FLVCR2: variants seen among roughly 807,000 people sequenced by gnomAD.
FLVCR2 encodes choline/ethanolamine transporter FLVCR2.
FLVCR2 carries 38 observed loss-of-function variants against 48.9 expected under a neutral mutation model. The ratio of observed to expected loss-of-function variants is 0.78; its 90% confidence interval spans 0.60 to 1.02. The LOEUF is 1.02. Ranked by LOEUF, FLVCR2 falls within the 50% of genes least tolerant of loss-of-function variation. FLVCR2 has a pLI of 0.00. For missense variants in FLVCR2, 664 were observed against 663.3 expected, an observed-to-expected ratio of 1.00 and a Z score of -0.01; for synonymous variants, 255 against 257.0, an observed-to-expected ratio of 0.99 and a Z score of 0.07.
intron 5 of FLVCR2, among the ~76,000 whole-genome samples, chr14:75,638,359 C>A (rs575482183): frequency 6.6e-6 from 1 of 152,236 alleles, no homozygotes; most frequent in Admixed American, 6.5e-5. Context: ...ATCGCTTGAA[C>A]CCGGGAGGCA....
intron 1 of FLVCR2, among the ~76,000 whole-genome samples, chr14:75,618,146 G>T (rs1889662213): frequency 6.6e-6 from 1 of 152,184 alleles, no homozygotes; most frequent in Admixed American, 6.5e-5. Context: ...TGTTAAGCAG[G>T]ACGTTTTCCA....
intron 9 of FLVCR2, 108 bp from the exon 10 acceptor site, chr14:75,646,293 C>A: frequency 1.3e-6 from 1 of 764,772 alleles, no homozygotes; most frequent in South Asian, 1.4e-5. Context: ...CTGAGTGGCC[C>A]CCGGCTCTTG....
At chr14:75,594,927 A>G (rs1330382931) in intron 1 of FLVCR2, among the ~76,000 whole-genome samples, 2 of 152,186 alleles carry the variant, frequency 1.3e-5, no homozygotes, top group Middle Eastern at 3.4e-3. Flanking sequence ...TATGTTGTGC[A>G]GGCTGGTCTT....
At chr14:75,639,158 C>G (rs568677886) in intron 5 of FLVCR2, among the ~76,000 whole-genome samples, 194 bp from the exon 6 acceptor site, 2 of 152,352 alleles carry the variant, frequency 1.3e-5, no homozygotes, top group South Asian at 4.1e-4. Context: ...TTTCAGCGAG[C>G]TGTGATCACG....
At chr14:75,632,681 T>C (rs998462199) in intron 3 of FLVCR2, 4 of 702,260 alleles carry the variant, frequency 5.7e-6, no homozygotes, top group Non-Finnish European at 1.0e-5. Flanking sequence ...ACTTACACCC[T>C]TCCAAGTAAA....
In FLVCR2 at chr14:75,648,060, A is replaced by C. The variant is rs764448107; in HGVS notation, c.*1588A>C. On this transcript the variant is annotated 3_prime_UTR_variant, in exon 10 of 10. Transcript: ENST00000238667. The stretch of plus-strand genomic sequence containing the variant: ...GATGTTTACTCATAAACCCTTCAAA[A>C]GGTATTAACAAAATGTTTACCAAAC... 5 of 152,716 alleles carry C rather than the reference A, an allele frequency of 3.3e-5. No homozygotes were observed. Among genetic ancestry groups the C allele is most frequent in the Admixed American group, 6.5e-5 (1 of 15,286 alleles). The allele number at this position is 152,716 out of a possible 1,614,324, so 9.5% of individuals were successfully genotyped here.
intron 1 of FLVCR2, among the ~76,000 whole-genome samples, chr14:75,603,179 G>C (rs569215705): frequency 2.0e-4 from 30 of 152,246 alleles, no homozygotes; most frequent in African/African-American, 7.0e-4. Flanking sequence ...GGTCCCTGGC[G>C]AGGGCCCCAC....
At chr14:75,584,402 A>C (rs898341309) in intron 1 of FLVCR2, among the ~76,000 whole-genome samples, 26 of 127,422 alleles carry the variant, frequency 2.0e-4, no homozygotes, top group Admixed American at 5.9e-4. Context: ...TGGGTGATAA[A>C]ATGCATATTG....
At chr14:75,585,377 G>GTA (rs1433219395) in intron 1 of FLVCR2, among the ~76,000 whole-genome samples, 1 of 152,194 alleles carries the variant, frequency 6.6e-6, no homozygotes, top group Non-Finnish European at 1.5e-5. Flanking sequence ...TGTCAAGTTT[G>GTA]TATTGGGGCC....
intron 9 of FLVCR2, among the ~76,000 whole-genome samples, chr14:75,642,505 A>T (rs1594817729): frequency 6.6e-6 from 1 of 152,364 alleles, no homozygotes; most frequent in Admixed American, 6.5e-5. Context: ...GCTGGGAACC[A>T]CTTTAAACAA....
At chr14:75,625,086 A>AT (rs1160752348) in intron 3 of FLVCR2, among the ~76,000 whole-genome samples, 6 of 66,812 alleles carry the variant, frequency 9.0e-5, no homozygotes, top group Non-Finnish European at 1.3e-4. Context: ...ATTAAAAAAA[A>AT]ATTTTTTTGC....
chr14:75,627,876 C>T (rs1246582254), intron 3 of FLVCR2, among the ~76,000 whole-genome samples: 2 of 152,152 alleles, frequency 1.3e-5, no homozygotes, highest in African/African-American at 4.8e-5. Flanking sequence ...GACTTAATCA[C>T]AGATTTGAAA....
chr14:75,603,869 A>AGGT (rs2140020061), intron 1 of FLVCR2, among the ~76,000 whole-genome samples: 1 of 152,282 alleles, frequency 6.6e-6, no homozygotes, highest in African/African-American at 2.4e-5. Context: ...CCTGTCATGA[A>AGGT]GCCCACAAAG....
At chr14:75,581,669 C>T (rs1177005500) in intron 1 of FLVCR2, among the ~76,000 whole-genome samples, 2 of 152,192 alleles carry the variant, frequency 1.3e-5, no homozygotes, top group Non-Finnish European at 2.9e-5. Context: ...AAAGTGTCTA[C>T]CCAGACCAAG....
chr14:75,632,978 T>G (rs1411605425), intron 3 of FLVCR2: 3 of 702,242 alleles, frequency 4.3e-6, no homozygotes, highest in Non-Finnish European at 7.8e-6. Context: ...AGCTACTCAC[T>G]TGCTGTATGA....
At chr14:75,605,404 T>C (rs1161405401) in intron 1 of FLVCR2, 34 of 1,418,494 alleles carry the variant, frequency 2.4e-5, no homozygotes, top group Admixed American at 5.5e-5. Context: ...GCCTTTTTCT[T>C]TGGTGAGTCA....
intron 6 of FLVCR2, 188 bp from the exon 7 acceptor site, chr14:75,640,767 C>T: frequency 1.6e-6 from 1 of 636,368 alleles, no homozygotes; most frequent in East Asian, 2.8e-5. Flanking sequence ...TGAACTTCTT[C>T]CTGGCCTTCA....
At chr14:75,591,097 G>T (rs1355107013) in intron 1 of FLVCR2, among the ~76,000 whole-genome samples, 1 of 152,222 alleles carries the variant, frequency 6.6e-6, no homozygotes, top group African/African-American at 2.4e-5. Context: ...AGGCTGGACT[G>T]CTGTGGTGAG....
intron 1 of FLVCR2, among the ~76,000 whole-genome samples, chr14:75,614,014 C>T (rs1889539147): frequency 1.3e-5 from 2 of 152,160 alleles, no homozygotes. Context: ...TGGTAGTGTG[C>T]ATAGAGGTAT....
Sources: allele counts gnomAD v4.1 joint callset (sites outside exome capture counted in the v4.1 genomes callset), GRCh38; gene constraint gnomAD v4.1.1; transcripts MANE v1.5; gene names NCBI Gene and HGNC (gene_info 2026-07-23, HGNC 2026-07-21).